ZNF766: variants seen among roughly 807,000 people sequenced by gnomAD.
ZNF766 encodes the protein zinc finger protein 766.
Under a neutral mutation model 13.2 loss-of-function variants are expected in ZNF766, and 13 were observed. That is an observed-to-expected ratio of 0.98 (90% confidence interval 0.64 to 1.56). The LOEUF is 1.56. Ranked by LOEUF, ZNF766 falls within the 40% of genes most tolerant of loss-of-function variation. ZNF766 has a pLI of 0.00. For synonymous variants in ZNF766, 178 were observed against 187.6 expected, an observed-to-expected ratio of 0.95 and a Z score of 0.42; for missense variants, 521 against 552.2, an observed-to-expected ratio of 0.94 and a Z score of 0.57.
intron 3 of ZNF766, chr19:52,284,882 G>C (rs1981730133): frequency 6.6e-6 from 1 of 152,008 alleles, no homozygotes; most frequent in Non-Finnish European, 1.5e-5. Flanking sequence ...AGATTCACTG[G>C]GTGTGCCGCC....
chr19:52,277,733 G>A (rs1981281699), intron 1 of ZNF766, among the ~76,000 whole-genome samples: 1 of 151,984 alleles, frequency 6.6e-6, no homozygotes, highest in Admixed American at 6.6e-5. Context: ...ATGAACTTGG[G>A]AAGAGGCTGC....
rs767640364 is a variant in ZNF766 at position 52,290,382 on chromosome 19, A to C, written c.591A>C (p.Arg197Ser). Reference sequence around the variant, plus strand: ...GTAATGAGCAGGGCAAAGTCTTCAGAGTGTCTTCAAGCCTTCCTAATCATC... The same window carrying C: ...GTAATGAGCAGGGCAAAGTCTTCAGCGTGTCTTCAAGCCTTCCTAATCATC... Reference protein sequence around the residue: ...YECNEQGKVFRVSSSLPNHQV... With the variant: ...YECNEQGKVFSVSSSLPNHQV... Residue 197 changes from arginine to serine, a missense_variant, in exon 4 of 4, where the codon AGA (arginine) becomes AGC (serine). Physicochemically the swap from Arg to Ser is moderately radical, Grantham distance 110. Transcript: ENST00000439461. The C allele has an allele frequency of 1.2e-6, 2 of 1,614,016 alleles. No individual in the cohort carries two copies. The highest frequency in any genetic ancestry group is 1.7e-6 in the Non-Finnish European group (2 of 1,180,024).
At position 52,288,953 on chromosome 19, in the gene ZNF766, C is replaced by T. The variant is rs557930921; in HGVS notation, c.275-1113C>T. 2.6e-5 allele frequency among the ~76,000 whole-genome samples: 4 copies of T among 151,912 alleles called. No homozygotes were observed. In the East Asian group the frequency reaches 5.8e-4, roughly 22 times the overall value. ...CTCTGCCTCCCGGGTTCAAGTGATT[C>T]TTCTTCTGCCTCAGCCTCCTGAGTA... On this transcript the variant is annotated intron_variant, in intron 3 of 3. Transcript: ENST00000439461.
Position 52,289,937 on chromosome 19 carries a change from C to G in ZNF766, c.275-129C>G, listed in dbSNP as rs570947155. 2.8e-4 allele frequency: 253 copies of G among 902,140 alleles called. No individual in the cohort carries two copies. The African/African-American group carries it at 4.1e-3, about 14-fold the overall frequency. 55.9% of individuals were successfully genotyped at this position (902,140 alleles called of 1,614,324 possible). On this transcript the variant is annotated intron_variant, in intron 3 of 3. Coordinates refer to ENST00000439461, the MANE Select transcript of ZNF766 (RefSeq NM_001010851.3). ...AATGGCGGGAACCTGGGAGGCGGAG[C>G]TTGCAGTGATCCGAGATCGTGCCAC...
In ZNF766 at chr19:52,290,478, C is replaced by T; in HGVS notation, c.687C>T (p.Gly229=). ...ECGKTVRDKS[G]LAEHWRIRTG... is the part of the protein sequence containing the mutation. ...GTAAAACCGTCAGGGACAAGTCAGGCCTCGCAGAACATTGGAGAATTCGTA... is the reference window on the plus strand; with the variant it reads ...GTAAAACCGTCAGGGACAAGTCAGGTCTCGCAGAACATTGGAGAATTCGTA... The change falls in exon 4 of 4, where the codon GGC becomes GGT. Residue 229 remains glycine (G), a synonymous_variant. Transcript: ENST00000439461. 1 of 1,613,900 alleles carries T rather than the reference C, an allele frequency of 6.2e-7. No individual in the cohort carries two copies. The highest frequency in any genetic ancestry group is 8.5e-7 in the Non-Finnish European group (1 of 1,179,898).
At chr19:52,288,209 C>T (rs1170764140) in intron 3 of ZNF766, 8 of 250,634 alleles carry the variant, frequency 3.2e-5, no homozygotes, top group South Asian at 1.7e-4. Context: ...TTAGTAGAGA[C>T]GGGGCTTCAC....
chr19:52,286,023 A>G lies in ZNF766; in HGVS notation c.274+2610A>G, dbSNP rs141384196. 2.6e-3 allele frequency among the ~76,000 whole-genome samples: 403 copies of G among 152,200 alleles called. 2 individuals carry two copies. The highest frequency in any genetic ancestry group is 9.5e-3 in the African/African-American group (394 of 41,530). On this transcript the variant is annotated intron_variant, in intron 3 of 3. Transcript: ENST00000439461. ...AAGGGAGGGATTCTGAATCGAAATA[A>G]TGGATGTGCACCCAGTCAGTAATCA...
At chr19:52,269,825 T>C (rs2657928) in intron 1 of ZNF766, among the ~76,000 whole-genome samples, 194 bp downstream of exon 1, 61,972 of 152,060 alleles carry the variant, frequency 0.41, 13,543 homozygotes, top group African/African-American at 0.56. Context: ...GCCGTAGGGC[T>C]GCGTAGGCAG....
Position 52,283,309 on chromosome 19 carries a change from T to G in ZNF766, c.170T>G (p.Ile57Ser). 1 of 1,613,918 alleles carries G rather than the reference T, an allele frequency of 6.2e-7. No homozygotes were observed. The highest frequency in any genetic ancestry group is 8.5e-7 in the Non-Finnish European group (1 of 1,179,890). Residue 57 changes from isoleucine to serine, a missense_variant, in exon 3 of 4, where the codon ATT (isoleucine) becomes AGT (serine). Ile to Ser is a moderately radical substitution (Grantham distance 142, BLOSUM62 -2). Transcript: ENST00000439461. ...SLGICLPDLS[I>S]ISMMKQRTEP... ...GGAATCTGTCTTCCTGACCTGAGTA[T>G]TATCTCCATGATGAAGCAAAGGACA...
At position 52,294,774 on chromosome 19, in the gene ZNF766, C is replaced by T. The variant is rs1041499158; in HGVS notation, c.*3576C>T. On this transcript the variant is annotated 3_prime_UTR_variant, in exon 4 of 4. Coordinates refer to ENST00000439461, the MANE Select transcript of ZNF766 (RefSeq NM_001010851.3). Reference sequence around the variant, plus strand: ...CCTGCCATCTTGGTTAGGAAAGACTCTGATTTTCTTCATGATAATATCTTA... The same window carrying T: ...CCTGCCATCTTGGTTAGGAAAGACTTTGATTTTCTTCATGATAATATCTTA... 1 of 150,572 alleles carries T rather than the reference C, an allele frequency of 6.6e-6. No homozygotes were observed. Among genetic ancestry groups the T allele is most frequent in the African/African-American group, 2.4e-5 (1 of 41,056 alleles). The allele number at this position is 150,572 out of a possible 1,614,324, so 9.3% of individuals were successfully genotyped here. A position where few individuals can be genotyped will look rare whatever the true frequency, so the allele number is the denominator to read the frequency against.
intron 1 of ZNF766, among the ~76,000 whole-genome samples, chr19:52,274,976 C>A (rs1000653812): frequency 6.6e-6 from 1 of 152,172 alleles, no homozygotes; most frequent in African/African-American, 2.4e-5. Context: ...TAAAGATTTT[C>A]ATTAATAGAA....
intron 1 of ZNF766, among the ~76,000 whole-genome samples, chr19:52,278,074 G>A (rs1331995744): frequency 6.7e-6 from 1 of 149,630 alleles, no homozygotes; most frequent in Non-Finnish European, 1.5e-5. Context: ...CCAGGCTCAA[G>A]CAGTCCTCCC....
intron 1 of ZNF766, chr19:52,281,655 A>T (rs561536393): frequency 1.0e-5 from 4 of 391,178 alleles, no homozygotes; most frequent in South Asian, 7.9e-5. Context: ...CATGAACTTA[A>T]CTTTACTCAG....
chr19:52,271,477 C>T (rs1258016675), intron 1 of ZNF766, among the ~76,000 whole-genome samples: 1 of 152,224 alleles, frequency 6.6e-6, no homozygotes, highest in Non-Finnish European at 1.5e-5. Flanking sequence ...GTGATCTCTA[C>T]TCAGTAGTAA....
In ZNF766 at chr19:52,283,421, C is replaced by A; in HGVS notation, c.274+8C>A. On this transcript the variant is annotated splice_region_variant and intron_variant, in intron 3 of 3. Transcript: ENST00000439461. ...TCAAAGATATCAACACAGGTAAGAG[C>A]TCAGATGGACAGAGTGAAAGCCACA... is the stretch of plus-strand genomic sequence containing the variant. 6.4e-7 allele frequency: 1 copy of A among 1,566,456 alleles called. No homozygotes were observed.
At chr19:52,286,254 T>A (rs1023237494) in intron 3 of ZNF766, among the ~76,000 whole-genome samples, 1 of 151,146 alleles carries the variant, frequency 6.6e-6, no homozygotes, top group Admixed American at 6.6e-5. Context: ...CCTTTCGGCT[T>A]TTTATATATG....
chr19:52,283,337 G>A lies in ZNF766; in HGVS notation c.198G>A (p.Glu66=), dbSNP rs375921226. The change falls in exon 3 of 4, where the codon GAG becomes GAA. Residue 66 remains glutamate (E), a synonymous_variant. Transcript: ENST00000439461. ...TCTCCATGATGAAGCAAAGGACAGA[G>A]CCCTGGACTGTGGAGAATGAAATGA... ...SIISMMKQRT[E]PWTVENEMKV... 3.7e-6 allele frequency: 6 copies of A among 1,613,862 alleles called. No homozygotes were observed. In the African/African-American group the frequency reaches 6.7e-5, roughly 18 times the overall value.
In ZNF766 at chr19:52,294,822, A is replaced by G. The variant is rs1483139394; in HGVS notation, c.*3624A>G. ...TTACGTTCCTTTTATAGTTACAGAT[A>G]CAGGTCTCATTGCACAATATGATTG... On this transcript the variant is annotated 3_prime_UTR_variant, in exon 4 of 4. Transcript: ENST00000439461. 1.3e-5 allele frequency: 2 copies of G among 152,172 alleles called. No individual in the cohort carries two copies. Among genetic ancestry groups the G allele is most frequent in the Non-Finnish European group, 1.5e-5 (1 of 68,042 alleles). The allele number at this position is 152,172 out of a possible 1,614,324, so 9.4% of individuals were successfully genotyped here.
chr19:52,291,408 T>C lies in ZNF766; in HGVS notation c.*210T>C, dbSNP rs527492961. The stretch of plus-strand genomic sequence containing the variant: ...TCAAAATATGTTGAACCTAATGATA[T>C]GATGTGTATAAAGGGTGCAAGGACA... On this transcript the variant is annotated 3_prime_UTR_variant, in exon 4 of 4. Coordinates refer to ENST00000439461, the MANE Select transcript of ZNF766 (RefSeq NM_001010851.3). 7.3e-6 allele frequency: 4 copies of C among 548,740 alleles called. No individual in the cohort carries two copies. Among genetic ancestry groups the C allele is most frequent in the African/African-American group, 3.8e-5 (2 of 53,204 alleles). The allele number at this position is 548,740 out of a possible 1,614,324, so 34.0% of individuals were successfully genotyped here. A position where few individuals can be genotyped will look rare whatever the true frequency, so the allele number is the denominator to read the frequency against.
Sources: allele counts gnomAD v4.1 joint callset (sites outside exome capture counted in the v4.1 genomes callset), GRCh38; gene constraint gnomAD v4.1.1; transcripts MANE v1.5; gene names NCBI Gene and HGNC (gene_info 2026-07-23, HGNC 2026-07-21).